The following VWA5A variants were observed in gnomAD, a reference collection of about 807,000 sequenced individuals.
VWA5A encodes von Willebrand factor A domain-containing protein 5A.
VWA5A carries 77 observed loss-of-function variants against 84.6 expected under a neutral mutation model. The ratio of observed to expected loss-of-function variants is 0.91; its 90% CI spans 0.76 to 1.10. The LOEUF is 1.10. Among genes scored for constraint, VWA5A ranks in the 50% least tolerant of loss-of-function variants. The pLI, the probability that VWA5A is intolerant of heterozygous loss-of-function variation, is 0.00. For synonymous variants in VWA5A, 334 were observed against 350.1 expected, an observed-to-expected ratio of 0.95 and a Z score of 0.51; for missense variants, 973 against 963.0, an observed-to-expected ratio of 1.01 and a Z score of -0.14.
rs112738967 is a variant in VWA5A, at chr11:124,135,966, A to T, written c.1360-163A>T. On this transcript the variant is annotated intron_variant, in intron 12 of 18. Transcript: ENST00000456829. ...AATATTTCAGCTTTGGCTTATTCAT[A>T]TGCAAAGCTTCTTCATATATAAAGC... is the stretch of plus-strand genomic sequence containing the variant. 5.9e-3 allele frequency among the ~76,000 whole-genome samples: 896 copies of T among 152,318 alleles called. 15 individuals are homozygous for T. The highest frequency in any genetic ancestry group is 0.02 in the African/African-American group (847 of 41,562).
chr11:124,131,286 G>T (rs1198968917), intron 11 of VWA5A, among the ~76,000 whole-genome samples: 2 of 152,088 alleles, frequency 1.3e-5, no homozygotes, highest in Non-Finnish European at 2.9e-5. Flanking sequence ...TGGATAAAGA[G>T]GATTCATGTC....
intron 17 of VWA5A, 69 bp from the exon 18 acceptor site, chr11:124,145,168 G>T: frequency 6.5e-7 from 1 of 1,531,250 alleles, no homozygotes; most frequent in Non-Finnish European, 8.8e-7. Flanking sequence ...AAGTGAGGAG[G>T]GAGTGAAGCT....
chr11:124,143,560 T>C (rs1860767197), intron 17 of VWA5A, among the ~76,000 whole-genome samples: 1 of 152,206 alleles, frequency 6.6e-6, no homozygotes, highest in Admixed American at 6.5e-5. Flanking sequence ...AATAAAACAT[T>C]TCATCAATAA....
At chr11:124,135,692 G>A (rs1429437246) in intron 12 of VWA5A, among the ~76,000 whole-genome samples, 6 of 149,660 alleles carry the variant, frequency 4.0e-5, no homozygotes, top group Non-Finnish European at 8.9e-5. Flanking sequence ...CACTACGCCC[G>A]GCTAATTTTT....
intron 17 of VWA5A, among the ~76,000 whole-genome samples, chr11:124,142,955 A>G (rs1860758066): frequency 6.6e-6 from 1 of 152,196 alleles, no homozygotes; most frequent in African/African-American, 2.4e-5. Flanking sequence ...ACATTAATTT[A>G]ATAAGGTAGA....
At chr11:124,138,580 A>G (rs1275602031) in intron 15 of VWA5A, among the ~76,000 whole-genome samples, 1 of 152,098 alleles carries the variant, frequency 6.6e-6, no homozygotes, top group East Asian at 1.9e-4. Context: ...GGCCATTTGT[A>G]TGTCTTCTTT....
At chr11:124,125,635 C>G (rs987367314) in intron 11 of VWA5A, among the ~76,000 whole-genome samples, 2 of 152,050 alleles carry the variant, frequency 1.3e-5, no homozygotes, top group Non-Finnish European at 2.9e-5. Flanking sequence ...AGTTTAGCAC[C>G]ACTTCATATT....
intron 7 of VWA5A, 85 bp downstream of exon 7, chr11:124,119,174 C>G (rs1864892491): frequency 7.9e-7 from 1 of 1,271,004 alleles, no homozygotes; most frequent in Admixed American, 2.0e-5. Flanking sequence ...CTTTTCTTTC[C>G]TTCCCTCCAG....
intron 11 of VWA5A, among the ~76,000 whole-genome samples, chr11:124,133,801 A>G (rs993882055): frequency 1.3e-5 from 2 of 152,224 alleles, no homozygotes; most frequent in African/African-American, 4.8e-5. Context: ...TGCTAGATAA[A>G]AAGTAAGTGC....
At chr11:124,134,777 G>T in intron 11 of VWA5A, 143 bp from the exon 12 acceptor site, 1 of 544,896 alleles carries the variant, frequency 1.8e-6, no homozygotes, top group South Asian at 3.2e-5. Context: ...CTAAAATATA[G>T]AATATGCTCA....
At chr11:124,134,649 A>G (rs1397057330) in intron 11 of VWA5A, among the ~76,000 whole-genome samples, 1 of 152,196 alleles carries the variant, frequency 6.6e-6, no homozygotes, top group Non-Finnish European at 1.5e-5. Flanking sequence ...GATCTTGGAA[A>G]GATTTCTTAA....
Position 124,137,163 on chromosome 11 carries a change from A to G in VWA5A, c.1774A>G (p.Asn592Asp), listed in dbSNP as rs149851021. Residue 592 changes from asparagine to aspartate, a missense_variant, in exon 15 of 19, where the codon AAT becomes GAT. Coordinates refer to ENST00000456829, the MANE Select transcript of VWA5A (RefSeq NM_001130142.2). ...ISSFTAFIAI[N>D]KELNKPVQGP... ...CTCCTTCACAGCTTTCATTGCTATC[A>G]ATAAGGAGCTCAACAAGCCGGTTCA... The G allele has an allele frequency of 8.3e-5, 134 of 1,614,114 alleles. 2 individuals are homozygous for G. In the African/African-American group the frequency reaches 1.5e-3, roughly 18 times the overall value.
chr11:124,135,343 G>A (rs955067732), intron 12 of VWA5A, among the ~76,000 whole-genome samples: 1 of 152,114 alleles, frequency 6.6e-6, no homozygotes, highest in African/African-American at 2.4e-5. Context: ...TGACTGTCAA[G>A]ACTGAGATTC....
chr11:124,145,187 C>T, intron 17 of VWA5A, 50 bp from the exon 18 acceptor site: 2 of 1,552,598 alleles, frequency 1.3e-6, no homozygotes, highest in South Asian at 1.2e-5. Flanking sequence ...CTTTTTGCAT[C>T]CTTTTGAGGG....
intron 11 of VWA5A, 109 bp downstream of exon 11, chr11:124,124,425 C>T: frequency 7.0e-7 from 1 of 1,438,106 alleles, no homozygotes; most frequent in South Asian, 1.6e-5. Flanking sequence ...CAAATGATTT[C>T]AGAATTTAGT....
intron 16 of VWA5A, 134 bp from the exon 17 acceptor site, chr11:124,142,308 T>A: frequency 8.3e-7 from 1 of 1,204,556 alleles, no homozygotes; most frequent in Non-Finnish European, 1.1e-6. Context: ...ATCTTCTGGA[T>A]GTTGTCTGAT....
At chr11:124,140,197 G>A (rs759518642) in intron 15 of VWA5A, among the ~76,000 whole-genome samples, 2 of 152,084 alleles carry the variant, frequency 1.3e-5, no homozygotes, top group African/African-American at 2.4e-5. Flanking sequence ...CTAATATTTT[G>A]TTGAGGATTG....
At chr11:124,120,378 A>G (rs1864912539) in intron 7 of VWA5A, among the ~76,000 whole-genome samples, 1 of 152,172 alleles carries the variant, frequency 6.6e-6, no homozygotes, top group African/African-American at 2.4e-5. Context: ...GCATTTACAC[A>G]TGGTGGAATG....
intron 13 of VWA5A, 105 bp downstream of exon 13, chr11:124,136,398 C>G: frequency 6.7e-7 from 1 of 1,498,702 alleles, no homozygotes; most frequent in East Asian, 2.3e-5. Flanking sequence ...CGGCACTTGC[C>G]AAGTATAGCT....
Sources: gnomAD v4.1 joint callset for allele counts (sites outside exome capture counted in the v4.1 genomes callset) on GRCh38, gnomAD v4.1.1 for gene constraint, MANE v1.5 for transcripts, NCBI Gene and HGNC (gene_info 2026-07-23, HGNC 2026-07-21) for gene names.